Variants in CATSPERT observed in about 807,000 individuals in gnomAD.
CATSPERT encodes the protein cation channel sperm-associated targeting subunit tau.
chr2:201,588,735 A>G, the CATSPERT span, among the ~76,000 whole-genome samples: 1 of 152,046 alleles, frequency 6.6e-6, no homozygotes, highest in Non-Finnish European at 1.5e-5. Context: ...ACTCCTAGTC[A>G]ACATAGCATT....
chr2:201,510,854 A>G, the CATSPERT span, among the ~76,000 whole-genome samples: 1 of 152,256 alleles, frequency 6.6e-6, no homozygotes, highest in Non-Finnish European at 1.5e-5. Flanking sequence ...AAGGTGTTGA[A>G]TTTGACCACA....
the CATSPERT span, chr2:201,554,513 C>A: frequency 6.6e-6 from 1 of 152,066 alleles, no homozygotes; most frequent in African/African-American, 2.4e-5. Flanking sequence ...CCTCTTAAGC[C>A]AATTTAGTAA....
At chr2:201,584,307 T>C in the CATSPERT span, among the ~76,000 whole-genome samples, 1 of 150,716 alleles carries the variant, frequency 6.6e-6, no homozygotes, top group Non-Finnish European at 1.5e-5. Flanking sequence ...CTAATAGTAA[T>C]AAAATAAAAT....
chr2:201,562,882 C>T, the CATSPERT span, among the ~76,000 whole-genome samples: 6 of 130,394 alleles, frequency 4.6e-5, no homozygotes, highest in Non-Finnish European at 6.6e-5. Context: ...TTTCTTAGTA[C>T]AGAACAAAAT....
the CATSPERT span, among the ~76,000 whole-genome samples, chr2:201,561,074 C>T: frequency 6.6e-6 from 1 of 152,216 alleles, no homozygotes; most frequent in Non-Finnish European, 1.5e-5. Context: ...AGCCACCACG[C>T]CCGGCCAGCC....
chr2:201,487,830 A>G, the CATSPERT span: 1 of 1,614,116 alleles, frequency 6.2e-7, no homozygotes, highest in Non-Finnish European at 8.5e-7. Flanking sequence ...AAAAGCCTTG[A>G]TCTTGATTTT....
the CATSPERT span, chr2:201,491,733 A>G: frequency 1.3e-6 from 2 of 1,537,080 alleles, no homozygotes; most frequent in Non-Finnish European, 1.7e-6. Context: ...CAGTCCATTT[A>G]TAGATGTTTA....
chr2:201,572,941 C>T, the CATSPERT span, among the ~76,000 whole-genome samples: 1 of 152,036 alleles, frequency 6.6e-6, no homozygotes, highest in South Asian at 2.1e-4. Context: ...ACTCTCAATT[C>T]CTAATTTAAA....
chr2:201,616,196 A>G, the CATSPERT span, among the ~76,000 whole-genome samples: 1,099 of 152,342 alleles, frequency 7.2e-3, 20 homozygotes, highest in African/African-American at 0.025. Context: ...AATCATCCCA[A>G]ATTTATTTTA....
chr2:201,616,695 A>T, the CATSPERT span, among the ~76,000 whole-genome samples: 2 of 152,224 alleles, frequency 1.3e-5, no homozygotes, highest in African/African-American at 4.8e-5. Flanking sequence ...ATGGTGTTGG[A>T]ATTTCTGGCC....
chr2:201,552,560 G>A, the CATSPERT span, among the ~76,000 whole-genome samples: 1 of 152,178 alleles, frequency 6.6e-6, no homozygotes, highest in Non-Finnish European at 1.5e-5. Context: ...TGCACTTTTT[G>A]TAAAACATGA....
the CATSPERT span, among the ~76,000 whole-genome samples, chr2:201,517,613 T>G: frequency 5.5e-4 from 84 of 152,248 alleles, no homozygotes; most frequent in Non-Finnish European, 6.3e-4. Flanking sequence ...AAAGCCCTAT[T>G]GAACCAGCAA....
chr2:201,560,787 C>CT, the CATSPERT span, among the ~76,000 whole-genome samples: 594 of 144,960 alleles, frequency 4.1e-3, 5 homozygotes, highest in African/African-American at 0.01. Flanking sequence ...TGAAATCTCT[C>CT]TTTTTTTTTT....
the CATSPERT span, among the ~76,000 whole-genome samples, chr2:201,499,380 C>G: frequency 6.6e-6 from 1 of 152,072 alleles, no homozygotes; most frequent in African/African-American, 2.4e-5. Flanking sequence ...CACCACACTC[C>G]CAAAAAAGAA....
chr2:201,565,955 C>T, the CATSPERT span: 3 of 1,287,642 alleles, frequency 2.3e-6, no homozygotes, highest in South Asian at 1.8e-5. Context: ...CTTTTGAACC[C>T]TTCTCTTTTA....
chr2:201,500,867 TTC>T, the CATSPERT span, among the ~76,000 whole-genome samples: 2 of 152,214 alleles, frequency 1.3e-5, no homozygotes, highest in Non-Finnish European at 2.9e-5. Flanking sequence ...CTGAAATTTA[TTC>T]TTTTACAGTA....
At chr2:201,540,914 T>C in the CATSPERT span, among the ~76,000 whole-genome samples, 3 of 152,200 alleles carry the variant, frequency 2.0e-5, no homozygotes, top group East Asian at 1.9e-4. Context: ...TTAAGGACAT[T>C]TGTGCTTCAG....
the CATSPERT span, chr2:201,554,694 T>G: frequency 1.3e-5 from 2 of 152,170 alleles, no homozygotes; most frequent in African/African-American, 4.8e-5. Flanking sequence ...CTTTCTACAT[T>G]TATTCTTAAT....
At chr2:201,609,040 T>C in the CATSPERT span, among the ~76,000 whole-genome samples, 1 of 151,856 alleles carries the variant, frequency 6.6e-6, no homozygotes, top group African/African-American at 2.4e-5. Flanking sequence ...TATGGTTATA[T>C]CAGATAAAAT....
Sources: gnomAD v4.1 joint callset for allele counts (sites outside exome capture counted in the v4.1 genomes callset) on GRCh38, gnomAD v4.1.1 for gene constraint, MANE v1.5 for transcripts, NCBI Gene and HGNC (gene_info 2026-07-23, HGNC 2026-07-21) for gene names.